CNGB1: variants seen among roughly 807,000 people sequenced by gnomAD.
The protein encoded by CNGB1 is cyclic nucleotide gated channel subunit beta 1, also known as cyclic nucleotide-gated channel beta-1.
In CNGB1, 126 loss-of-function variants were observed where a neutral mutation model predicts 151.7. The ratio of observed to expected loss-of-function variants is 0.83; its 90% CI spans 0.72 to 0.96. CNGB1 has a LOEUF of 0.96. Among genes scored for constraint, CNGB1 ranks in the 40% least tolerant of loss-of-function variants. The pLI is 0.00. For synonymous variants in CNGB1, 623 were observed against 635.1 expected (o/e 0.98, Z 0.29); for missense variants, 1,698 against 1,627.0 (o/e 1.04, Z -0.75).
intron 4 of CNGB1, 103 bp downstream of exon 4, chr16:57,964,027 C>T: frequency 1.9e-6 from 2 of 1,055,774 alleles, no homozygotes; most frequent in Non-Finnish European, 2.9e-6. Flanking sequence ...GACAGCAGAG[C>T]TAAGGGCAGT....
intron 18 of CNGB1, 111 bp downstream of exon 18, chr16:57,923,162 G>A: frequency 1.3e-6 from 1 of 774,946 alleles, no homozygotes; most frequent in Non-Finnish European, 2.1e-6. Flanking sequence ...GGAAGCCACT[G>A]GCAAAGTCTG....
In CNGB1 at chr16:57,883,221, A is replaced by G. The variant is rs2149349607; in HGVS notation, c.*943T>C. The G allele has an allele frequency of 6.6e-6, 1 of 152,450 alleles. No homozygotes were observed. The highest frequency in any genetic ancestry group is 1.9e-4 in the East Asian group (1 of 5,184). The allele number at this position is 152,450 out of a possible 1,614,324, so 9.4% of individuals were successfully genotyped here. ...CGCGTCCCAAGCTCAGCTCAGAACC[A>G]TGGCAATTCTCAGCTGAACAGCTCG... On this transcript the variant is annotated 3_prime_UTR_variant, in exon 33 of 33. Coordinates refer to ENST00000251102, the MANE Select transcript of CNGB1 (RefSeq NM_001297.5).
intron 6 of CNGB1, 66 bp downstream of exon 6, chr16:57,962,776 C>A: frequency 1.3e-6 from 2 of 1,597,568 alleles, no homozygotes; most frequent in Middle Eastern, 3.3e-4. Flanking sequence ...GGGGCAGGGC[C>A]CATCCCAGCA....
At chr16:57,968,025 G>A (rs2405130) in intron 1 of CNGB1, among the ~76,000 whole-genome samples, 88,104 of 152,000 alleles carry the variant, frequency 0.58, 26,422 homozygotes, top group Non-Finnish European at 0.67. Context: ...AATATTATGG[G>A]GGCATTAAAA....
chr16:57,931,601 A>G, intron 17 of CNGB1, 115 bp downstream of exon 17: 1 of 1,221,190 alleles, frequency 8.2e-7, no homozygotes, highest in Non-Finnish European at 1.2e-6. Context: ...TCTGACACCA[A>G]CTCGCTGTGT....
intron 2 of CNGB1, 90 bp from the exon 3 acceptor site, chr16:57,964,634 GC>G: frequency 7.8e-7 from 1 of 1,279,680 alleles, no homozygotes; most frequent in Non-Finnish European, 1.1e-6. Flanking sequence ...AGGGATCCCT[GC>G]CCCACAAAAG....
intron 19 of CNGB1, among the ~76,000 whole-genome samples, chr16:57,920,097 C>T (rs1175334910): frequency 2.0e-5 from 3 of 152,186 alleles, no homozygotes; most frequent in African/African-American, 7.2e-5. Context: ...TTTGGGGTGG[C>T]ACCACTCACC....
In CNGB1 at chr16:57,962,502, C is replaced by T. The variant is rs143889945; in HGVS notation, c.458+63G>A. 7.4e-6 allele frequency: 11 copies of T among 1,484,684 alleles called. No individual in the cohort carries two copies. In the Middle Eastern group the frequency reaches 8.6e-4, roughly 117 times the overall value. 92.0% of individuals were successfully genotyped at this position (1,484,684 alleles called of 1,614,324 possible). A position where few individuals can be genotyped will look rare whatever the true frequency, so the allele number is the denominator to read the frequency against. ...TGGTAACAGACCCTGCTCCTGAAACCAAGGACCTGTTCCTCCCACCCACAC... is the reference window on the plus strand; with the variant it reads ...TGGTAACAGACCCTGCTCCTGAAACTAAGGACCTGTTCCTCCCACCCACAC... On this transcript the variant is annotated intron_variant, in intron 7 of 32. Coordinates refer to ENST00000251102, the MANE Select transcript of CNGB1 (RefSeq NM_001297.5).
intron 17 of CNGB1, among the ~76,000 whole-genome samples, chr16:57,930,828 G>C (rs1441126927): frequency 6.6e-6 from 1 of 152,080 alleles, no homozygotes; most frequent in Non-Finnish European, 1.5e-5. Context: ...AAAGTAGAAT[G>C]AAAAAGTAGA....
intron 12 of CNGB1, chr16:57,954,972 C>A: frequency 1.8e-6 from 2 of 1,102,824 alleles, no homozygotes; most frequent in South Asian, 5.7e-5. Flanking sequence ...TGGTCTCGAA[C>A]TTCGGGGCTC....
rs772949180 is a variant in CNGB1 at position 57,919,234 on chromosome 16, C to A, written c.1822G>T (p.Glu608Ter). 3 of 1,614,084 alleles carry A rather than the reference C, an allele frequency of 1.9e-6. No individual in the cohort carries two copies. Among genetic ancestry groups the A allele is most frequent in the East Asian group, 2.2e-5 (1 of 44,900 alleles). The change falls in exon 20 of 33, where the codon GAG becomes TAG. Residue 608 changes from glutamate (E) to a stop codon, truncating the protein, a stop_gained. Transcript: ENST00000251102. LOFTEE classifies it high-confidence loss of function. ...PKPSPAKKAP[E>*]PAPDTKPAEA... ...GCGGGCTTTGTGTCTGGAGCTGGCTCTGGGGCTTTCTTGGCTGGGGCTGTG... is the reference window on the plus strand; with the variant it reads ...GCGGGCTTTGTGTCTGGAGCTGGCTATGGGGCTTTCTTGGCTGGGGCTGTG...
intron 16 of CNGB1, among the ~76,000 whole-genome samples, chr16:57,932,545 G>C (rs1283631134): frequency 9.2e-5 from 14 of 151,568 alleles, no homozygotes; most frequent in Admixed American, 9.2e-4. Context: ...TGGGACTACA[G>C]GCTCCCGCCA....
chr16:57,897,525 G>A lies in CNGB1; in HGVS notation c.3114C>T (p.Gly1038=), dbSNP rs142930143. ...CCACGTTGGCCGTGCGCCGGTTCCC[G>A]CCCCCAACAGCCAGCAAGCTGGGGC... The part of the protein sequence containing the change: ...FGEISLLAVG[G]GNRRTANVVA... Residue 1038 remains glycine, a synonymous_variant, in exon 31 of 33, where the codon GGC becomes GGT. Transcript: ENST00000251102. 8.9e-5 allele frequency: 144 copies of A among 1,614,064 alleles called. 1 individual carries two copies. The African/African-American group carries it at 1.3e-3, about 14-fold the overall frequency.
intron 5 of CNGB1, 47 bp downstream of exon 5, chr16:57,962,927 C>T (rs1365404497): frequency 1.2e-6 from 2 of 1,612,294 alleles, no homozygotes; most frequent in Non-Finnish European, 8.5e-7. Flanking sequence ...AGCCTCCCCA[C>T]AGCCCCTCTC....
Position 57,882,920 on chromosome 16 carries a change from A to C in CNGB1, c.*1244T>G, listed in dbSNP as rs1959796930. ...TCTAGGATTAATTGAAGTTGCTGCC[A>C]CCATCTCTACAGCGAGAGTGTCAAA... On this transcript the variant is annotated 3_prime_UTR_variant, in exon 33 of 33. Transcript: ENST00000251102. The C allele has an allele frequency of 1.3e-5, 2 of 151,708 alleles. No individual in the cohort carries two copies. The highest frequency in any genetic ancestry group is 4.8e-5 in the African/African-American group (2 of 41,262). 9.4% of individuals were successfully genotyped at this position (151,708 alleles called of 1,614,324 possible).
chr16:57,964,641 A>G (rs1962346258), intron 2 of CNGB1, 97 bp from the exon 3 acceptor site: 2 of 1,170,252 alleles, frequency 1.7e-6, no homozygotes, highest in East Asian at 4.7e-5. Context: ...CCTGCCCCAC[A>G]AAAGACCTGA....
At chr16:57,950,808 T>C (rs1246717197) in intron 12 of CNGB1, among the ~76,000 whole-genome samples, 1 of 152,242 alleles carries the variant, frequency 6.6e-6, no homozygotes, top group Non-Finnish European at 1.5e-5. Flanking sequence ...TTGATCCTGT[T>C]TGTTTCTCAC....
chr16:57,923,251 T>A, intron 18 of CNGB1, 22 bp downstream of exon 18: 2 of 1,514,764 alleles, frequency 1.3e-6, no homozygotes, highest in Non-Finnish European at 1.8e-6. Flanking sequence ...TTCAATTTTC[T>A]GAGACCCCAG....
At chr16:57,942,010 C>T (rs1961681564) in intron 14 of CNGB1, among the ~76,000 whole-genome samples, 1 of 152,082 alleles carries the variant, frequency 6.6e-6, no homozygotes, top group African/African-American at 2.4e-5. Flanking sequence ...CTCCACCACT[C>T]CTGGCTATTT....
Sources: gnomAD v4.1 joint callset for allele counts (sites outside exome capture counted in the v4.1 genomes callset) on GRCh38, gnomAD v4.1.1 for gene constraint, MANE v1.5 for transcripts, NCBI Gene and HGNC (gene_info 2026-07-23, HGNC 2026-07-21) for gene names.